SEC22B: variants seen among roughly 807,000 people sequenced by gnomAD.
SEC22B encodes SEC22 homolog B, vesicle trafficking protein, also known as vesicle-trafficking protein SEC22b.
SEC22B carries 10 observed loss-of-function variants against 31.4 expected under a neutral mutation model. The observed-to-expected ratio is 0.32, with a 90% confidence interval of 0.20 to 0.54. The LOEUF is 0.54. Ranked by LOEUF, SEC22B falls within the 20% of genes least tolerant of loss-of-function variation. The probability of loss-of-function intolerance (pLI) is 0.94; values close to 1 mark genes in which losing one functional copy is unlikely to be tolerated. For missense variants in SEC22B, 130 were observed against 263.4 expected (o/e 0.49, Z 3.50); for synonymous variants, 60 against 95.9 (o/e 0.63, Z 2.19).
intron 2 of SEC22B, among the ~76,000 whole-genome samples, chr1:120,168,077 A>G (rs1657841092): frequency 1.3e-5 from 2 of 151,994 alleles, no homozygotes; most frequent in African/African-American, 4.8e-5. Flanking sequence ...AAAAGTAAAC[A>G]TAGCAGCTTC....
chr1:120,175,368 G>A (rs1657940137), intron 1 of SEC22B, among the ~76,000 whole-genome samples: 2 of 117,006 alleles, frequency 1.7e-5, no homozygotes, highest in Non-Finnish European at 3.5e-5. Context: ...TCCAACAGAA[G>A]AAATGTGCAA....
chr1:120,160,402 G>T lies in SEC22B; in HGVS notation c.475C>A (p.Arg159=). Residue 159 remains arginine (R), a synonymous_variant, in exon 4 of 5, where the codon CGA becomes AGA. Transcript: ENST00000578049. ...MVANIEEVLQ[R]GEALSALDSK... The stretch of plus-strand genomic sequence containing the variant: ...TAGATACCTGAGAGTGCTTCTCCTC[G>T]TTGTAACACTTCTTCAATATTGGCC... 1 of 1,611,316 alleles carries T rather than the reference G, an allele frequency of 6.2e-7. No homozygotes were observed. The highest frequency in any genetic ancestry group is 8.5e-7 in the Non-Finnish European group (1 of 1,178,582).
intron 2 of SEC22B, among the ~76,000 whole-genome samples, chr1:120,167,629 A>C (rs1378073657): frequency 6.6e-6 from 1 of 151,972 alleles, no homozygotes; most frequent in Admixed American, 6.6e-5. Context: ...ATATTATAGT[A>C]TACTTGTTTG....
At chr1:120,170,462 T>C (rs1327096645) in intron 1 of SEC22B, among the ~76,000 whole-genome samples, 1 of 147,884 alleles carries the variant, frequency 6.8e-6, no homozygotes, top group African/African-American at 2.6e-5. Context: ...AATTACAGGA[T>C]AATAAGATTC....
intron 4 of SEC22B, among the ~76,000 whole-genome samples, chr1:120,159,607 C>T (rs1429405801): frequency 6.6e-6 from 1 of 150,384 alleles, no homozygotes; most frequent in Non-Finnish European, 1.5e-5. Context: ...ATTAGGTAAA[C>T]ACACATACAT....
chr1:120,162,886 A>T (rs1412396271), intron 3 of SEC22B, among the ~76,000 whole-genome samples: 5 of 152,150 alleles, frequency 3.3e-5, no homozygotes, highest in Non-Finnish European at 5.9e-5. Flanking sequence ...AGAAGAACTC[A>T]GCCATTATAT....
intron 1 of SEC22B, among the ~76,000 whole-genome samples, chr1:120,174,242 G>A (rs1317460039): frequency 2.0e-5 from 3 of 152,288 alleles, no homozygotes; most frequent in Non-Finnish European, 2.9e-5. Context: ...TTCTAATATG[G>A]TAGTATGAGG....
At chr1:120,174,347 A>G (rs1657928737) in intron 1 of SEC22B, among the ~76,000 whole-genome samples, 1 of 152,300 alleles carries the variant, frequency 6.6e-6, no homozygotes, top group Non-Finnish European at 1.5e-5. Flanking sequence ...AAATAGTAAA[A>G]GTAAGCCTAA....
intron 2 of SEC22B, among the ~76,000 whole-genome samples, chr1:120,167,120 C>T (rs1657825522): frequency 6.6e-6 from 1 of 150,494 alleles, no homozygotes; most frequent in Non-Finnish European, 1.5e-5. Flanking sequence ...CTTGCTTGGG[C>T]ACCTGAGTTA....
chr1:120,156,869 A>G lies in SEC22B; in HGVS notation c.*169T>C, dbSNP rs1657636509. 4.7e-6 allele frequency: 2 copies of G among 427,152 alleles called. No homozygotes were observed. Among genetic ancestry groups the G allele is most frequent in the Middle Eastern group, 6.0e-4 (1 of 1,654 alleles). 26.5% of individuals were successfully genotyped at this position (427,152 alleles called of 1,614,324 possible). ...GACTTTCTACATAGGGTTAAGCTTC[A>G]TTAAATGAGGTGCAACCTTTCATTT... On this transcript the variant is annotated 3_prime_UTR_variant, in exon 5 of 5. Coordinates refer to ENST00000578049, the MANE Select transcript of SEC22B (RefSeq NM_004892.6).
chr1:120,165,699 C>T (rs1265730089), intron 2 of SEC22B, among the ~76,000 whole-genome samples: 6 of 151,868 alleles, frequency 4.0e-5, no homozygotes, highest in Non-Finnish European at 8.8e-5. Context: ...TAATACAGTC[C>T]CATTTGTCTA....
chr1:120,161,840 AC>A (rs1240103624), intron 3 of SEC22B, among the ~76,000 whole-genome samples: 1 of 150,064 alleles, frequency 6.7e-6, no homozygotes, highest in African/African-American at 2.5e-5. Context: ...AGTGTGCTGT[AC>A]CCCTTTCATT....
In SEC22B at chr1:120,155,880, C is replaced by A. The variant is rs1416317853; in HGVS notation, c.*1158G>T. On this transcript the variant is annotated 3_prime_UTR_variant, in exon 5 of 5. Coordinates refer to ENST00000578049, the MANE Select transcript of SEC22B (RefSeq NM_004892.6). ...ATAGAAACCACTGTAAATGAGTTATCTATCTCCAGAACATTCTCAGAGAAT... is the reference window on the plus strand; with the variant it reads ...ATAGAAACCACTGTAAATGAGTTATATATCTCCAGAACATTCTCAGAGAAT... 6.6e-6 allele frequency: 1 copy of A among 151,146 alleles called. No homozygotes were observed. The highest frequency in any genetic ancestry group is 1.5e-5 in the Non-Finnish European group (1 of 67,456). 9.4% of individuals were successfully genotyped at this position (151,146 alleles called of 1,614,324 possible).
At chr1:120,176,268 CAG>C (rs1461272852) in intron 1 of SEC22B, 37 bp downstream of exon 1, 3 of 1,592,510 alleles carry the variant, frequency 1.9e-6, no homozygotes, top group Admixed American at 1.7e-5. Flanking sequence ...AGCGCGCTGA[CAG>C]AGACTTGGGG....
chr1:120,172,363 G>T (rs1201647959), intron 1 of SEC22B, among the ~76,000 whole-genome samples: 1 of 31,830 alleles, frequency 3.1e-5, no homozygotes, highest in Non-Finnish European at 4.8e-5. Flanking sequence ...TATTTAACTC[G>T]TTTATTCTTC....
At chr1:120,170,591 T>A (rs1657879857) in intron 1 of SEC22B, among the ~76,000 whole-genome samples, 1 of 151,796 alleles carries the variant, frequency 6.6e-6, no homozygotes, top group East Asian at 1.9e-4. Flanking sequence ...TGTAGATTTA[T>A]CTTGTTTAAT....
intron 4 of SEC22B, chr1:120,159,501 T>C (rs1423220399): frequency 3.3e-5 from 5 of 149,416 alleles, no homozygotes; most frequent in African/African-American, 9.8e-5. Flanking sequence ...TATAAATATA[T>C]GAAATATATA....
chr1:120,169,023 A>G (rs1398242557), intron 1 of SEC22B, 74 bp from the exon 2 acceptor site: 16 of 536,428 alleles, frequency 3.0e-5, no homozygotes, highest in Non-Finnish European at 4.8e-5. Flanking sequence ...TCATATTATG[A>G]GGACACTCTG....
chr1:120,176,242 C>A, intron 1 of SEC22B, 65 bp downstream of exon 1: 23 of 1,497,062 alleles, frequency 1.5e-5, no homozygotes, highest in Non-Finnish European at 1.8e-5. Flanking sequence ...AGGAAGGAAT[C>A]CGATGCTGAG....
Sources: allele counts gnomAD v4.1 joint callset (sites outside exome capture counted in the v4.1 genomes callset), GRCh38; gene constraint gnomAD v4.1.1; transcripts MANE v1.5; gene names NCBI Gene and HGNC (gene_info 2026-07-23, HGNC 2026-07-21).